Variants in FHIT observed in about 807,000 individuals in gnomAD.
FHIT encodes bis(5'-adenosyl)-triphosphatase.
FHIT carries 19 observed loss-of-function variants against 17.9 expected under a neutral mutation model. That is an observed-to-expected ratio of 1.06 (90% confidence interval 0.74 to 1.56). The LOEUF (loss-of-function observed/expected upper bound fraction) is 1.56. Among genes scored for constraint, FHIT ranks in the 40% most tolerant of loss-of-function variants. The pLI is 0.00. For synonymous variants in FHIT, 81 were observed against 69.7 expected (o/e 1.16, Z -0.81); for missense variants, 248 against 189.2 (o/e 1.31, Z -1.82).
intron 5 of FHIT, among the ~76,000 whole-genome samples, chr3:60,172,764 C>T (rs1701477119): frequency 6.6e-6 from 1 of 152,094 alleles, no homozygotes; most frequent in Admixed American, 6.5e-5. Flanking sequence ...GGCAGAGGCT[C>T]CTCCAAGCAG....
chr3:60,641,852 G>A (rs536422087), intron 4 of FHIT, among the ~76,000 whole-genome samples: 7 of 152,098 alleles, frequency 4.6e-5, no homozygotes, highest in South Asian at 4.1e-4. Context: ...TATTTTCAGA[G>A]GTGGAGGTTG....
rs190999086 is a variant in FHIT, at chr3:61,041,250, G to A, written c.-111+797C>T. On this transcript the variant is annotated intron_variant, in intron 3 of 9. Transcript: ENST00000492590. ...AAAAATTAGCTAGGTGTGGTGGCAC[G>A]CCTCTAGTCCCAGCTACTCAGGAGG... Among the ~76,000 whole-genome samples the A allele has an allele frequency of 2.3e-3, 352 of 151,816 alleles. 3 individuals carry two copies. The highest frequency in any genetic ancestry group is 6.8e-3 in the Middle Eastern group (2 of 294).
At chr3:60,505,066 G>T (rs1356135435) in intron 5 of FHIT, among the ~76,000 whole-genome samples, 1 of 145,374 alleles carries the variant, frequency 6.9e-6, no homozygotes, top group Non-Finnish European at 1.5e-5. Context: ...TTGGACATTT[G>T]TCAAAGATGT....
At chr3:60,367,415 A>T (rs6769064) in intron 5 of FHIT, among the ~76,000 whole-genome samples, 4,089 of 152,252 alleles carry the variant, frequency 0.027, 96 homozygotes, top group Middle Eastern at 0.061. Flanking sequence ...CACTGTTTTT[A>T]TTAAACGGGA....
intron 5 of FHIT, among the ~76,000 whole-genome samples, chr3:60,225,064 A>C (rs540818985): frequency 6.6e-5 from 10 of 152,232 alleles, no homozygotes; most frequent in Non-Finnish European, 1.0e-4. Context: ...ATGCTTGCTA[A>C]GAAGTCTTCC....
rs182997954 is a variant in FHIT, at chr3:60,811,348, G to A, written c.-18+10571C>T. Reference sequence around the variant, plus strand: ...ATTACACCTGTTTTTATAAAATCTCGAAATAAGAAGGGTTCTTAGAGGTCA... The same window carrying A: ...ATTACACCTGTTTTTATAAAATCTCAAAATAAGAAGGGTTCTTAGAGGTCA... On this transcript the variant is annotated intron_variant, in intron 4 of 9. Coordinates refer to ENST00000492590, the MANE Select transcript of FHIT (RefSeq NM_002012.4). Among the ~76,000 whole-genome samples, 25 of 152,178 alleles carry A rather than the reference G, an allele frequency of 1.6e-4. No homozygotes were observed. In the East Asian group the frequency reaches 2.1e-3, roughly 13 times the overall value.
At chr3:60,115,759 A>C (rs528951065) in intron 5 of FHIT, among the ~76,000 whole-genome samples, 1 of 152,194 alleles carries the variant, frequency 6.6e-6, no homozygotes, top group Non-Finnish European at 1.5e-5. Flanking sequence ...ACTTCATAAA[A>C]TGAAAAAGTA....
At chr3:60,074,132 T>C (rs1232096343) in intron 5 of FHIT, among the ~76,000 whole-genome samples, 2 of 152,140 alleles carry the variant, frequency 1.3e-5, no homozygotes, top group East Asian at 1.9e-4. Context: ...TGGACTTAAC[T>C]CACACCCTAT....
chr3:60,308,222 TCA>T (rs1325280368), intron 5 of FHIT, among the ~76,000 whole-genome samples: 7 of 152,218 alleles, frequency 4.6e-5, no homozygotes, highest in African/African-American at 1.4e-4. Flanking sequence ...TCACAAAGCC[TCA>T]GTTTCTTCAT....
At chr3:61,065,752 CAAA>C (rs1185270423) in intron 2 of FHIT, among the ~76,000 whole-genome samples, 3 of 134,758 alleles carry the variant, frequency 2.2e-5, no homozygotes, top group African/African-American at 5.3e-5. Flanking sequence ...CCTCCCACCT[CAAA>C]AAAAAAAAAA....
intron 5 of FHIT, among the ~76,000 whole-genome samples, chr3:60,482,491 T>C (rs896740066): frequency 7.9e-5 from 12 of 152,150 alleles, no homozygotes; most frequent in African/African-American, 2.9e-4. Context: ...AGGACCACAG[T>C]GCAATCAAAT....
At chr3:60,862,903 A>T (rs1483058065) in intron 3 of FHIT, among the ~76,000 whole-genome samples, 1 of 151,952 alleles carries the variant, frequency 6.6e-6, no homozygotes, top group Non-Finnish European at 1.5e-5. Flanking sequence ...TAAACACTAG[A>T]TTAGGTGCTG....
intron 8 of FHIT, among the ~76,000 whole-genome samples, chr3:59,801,319 G>C (rs1401690484): frequency 6.7e-6 from 1 of 149,244 alleles, no homozygotes; most frequent in South Asian, 2.1e-4. Flanking sequence ...TTTCATTTTT[G>C]TACTTTGCTG....
chr3:60,822,373 G>T (rs1423013126), intron 3 of FHIT, among the ~76,000 whole-genome samples: 1 of 152,128 alleles, frequency 6.6e-6, no homozygotes, highest in African/African-American at 2.4e-5. Flanking sequence ...AAAAGATGAG[G>T]CTGACCCGTG....
rs1397316247 is a variant in FHIT, at chr3:60,008,082, T to C, written c.279+3289A>G. Among the ~76,000 whole-genome samples the C allele has an allele frequency of 5.9e-5, 9 of 152,142 alleles. No homozygotes were observed. The South Asian group carries it at 1.9e-3, about 32-fold the overall frequency. Reference sequence around the variant, plus strand: ...CACAAAGCTTACCTTCTCAAAGAACTAGAGAAAAGACAGAGGTACAGGTGC... The same window carrying C: ...CACAAAGCTTACCTTCTCAAAGAACCAGAGAAAAGACAGAGGTACAGGTGC... On this transcript the variant is annotated intron_variant, in intron 7 of 9. Coordinates refer to ENST00000492590, the MANE Select transcript of FHIT (RefSeq NM_002012.4).
At chr3:60,311,385 G>C (rs187645980) in intron 5 of FHIT, among the ~76,000 whole-genome samples, 3 of 151,924 alleles carry the variant, frequency 2.0e-5, no homozygotes, top group African/African-American at 4.8e-5. Flanking sequence ...TGCTTCTCAG[G>C]GTACTGCATC....
rs145265510 is a variant in FHIT at position 60,511,445 on chromosome 3, C to A, written c.103+25415G>T. Among the ~76,000 whole-genome samples the A allele has an allele frequency of 2.3e-3, 357 of 152,192 alleles. 2 individuals are homozygous for A. Among genetic ancestry groups the A allele is most frequent in the Middle Eastern group, 0.02 (6 of 294 alleles). On this transcript the variant is annotated intron_variant, in intron 5 of 9. Transcript: ENST00000492590. ...AAGGTATCTCTAAAGACACTTTCAA[C>A]TCAGACCATTTATCTTTAATCAAAA...
intron 8 of FHIT, among the ~76,000 whole-genome samples, chr3:59,838,158 C>T (rs918217118): frequency 1.3e-5 from 2 of 152,106 alleles, no homozygotes; most frequent in African/African-American, 4.8e-5. Context: ...CTAGCACAGG[C>T]CTTCCTCGCT....
chr3:60,263,306 CT>C (rs1706396750), intron 5 of FHIT, among the ~76,000 whole-genome samples: 1 of 151,894 alleles, frequency 6.6e-6, no homozygotes, highest in South Asian at 2.1e-4. Context: ...GTAAATTTGA[CT>C]TTAAATATAG....
Sources: allele counts gnomAD v4.1 joint callset (sites outside exome capture counted in the v4.1 genomes callset), GRCh38; gene constraint gnomAD v4.1.1; transcripts MANE v1.5; gene names NCBI Gene and HGNC (gene_info 2026-07-23, HGNC 2026-07-21).